SYNDIG1: variants seen among roughly 807,000 people sequenced by gnomAD.
SYNDIG1 encodes synapse differentiation inducing 1, also known as synapse differentiation-inducing gene protein 1.
Under a neutral mutation model 19.4 loss-of-function variants are expected in SYNDIG1, and 9 were observed. The ratio of observed to expected loss-of-function variants is 0.46; its 90% CI spans 0.28 to 0.81. The LOEUF (loss-of-function observed/expected upper bound fraction) is 0.81, where lower values mean the gene tolerates loss of function less well. Ranked by LOEUF, SYNDIG1 falls within the 30% of genes least tolerant of loss-of-function variation. The pLI, the probability that SYNDIG1 is intolerant of heterozygous loss-of-function variation, is 0.12. For missense variants in SYNDIG1, 311 were observed against 343.3 expected, an observed-to-expected ratio of 0.91 and a Z score of 0.74; for synonymous variants, 141 against 145.9, an observed-to-expected ratio of 0.97 and a Z score of 0.24.
chr20:24,474,404 T>C (rs1280316484), intron 1 of SYNDIG1, among the ~76,000 whole-genome samples: 1 of 152,120 alleles, frequency 6.6e-6, no homozygotes, highest in Non-Finnish European at 1.5e-5. Context: ...AAATAACTGC[T>C]AGAACCAAAA....
intron 3 of SYNDIG1, among the ~76,000 whole-genome samples, chr20:24,619,147 G>A (rs1326224310): frequency 6.6e-6 from 1 of 152,206 alleles, no homozygotes; most frequent in Non-Finnish European, 1.5e-5. Context: ...TGTTTTAAAT[G>A]CTGGAAAAAT....
intron 1 of SYNDIG1, among the ~76,000 whole-genome samples, chr20:24,503,998 C>T (rs1159798133): frequency 7.1e-5 from 9 of 127,466 alleles, no homozygotes; most frequent in Non-Finnish European, 3.1e-5. Flanking sequence ...CTCACACTTT[C>T]GCCCAGGCTG....
intron 3 of SYNDIG1, among the ~76,000 whole-genome samples, chr20:24,664,983 A>G (rs2059634846): frequency 6.6e-6 from 1 of 152,210 alleles, no homozygotes; most frequent in Non-Finnish European, 1.5e-5. Context: ...TTGGGTAGAA[A>G]GAGCAGCACT....
chr20:24,562,411 C>G (rs1442241476), intron 2 of SYNDIG1, among the ~76,000 whole-genome samples: 1 of 152,128 alleles, frequency 6.6e-6, no homozygotes, highest in Non-Finnish European at 1.5e-5. Flanking sequence ...AGTATGGCAT[C>G]TAATGTTTTA....
chr20:24,515,671 G>C (rs1039361779), intron 1 of SYNDIG1, among the ~76,000 whole-genome samples: 3 of 151,970 alleles, frequency 2.0e-5, no homozygotes, highest in African/African-American at 7.3e-5. Flanking sequence ...ACAAACCACT[G>C]CTCAATGAAA....
At chr20:24,605,627 C>T (rs928011200) in intron 3 of SYNDIG1, among the ~76,000 whole-genome samples, 11 of 152,178 alleles carry the variant, frequency 7.2e-5, no homozygotes, top group African/African-American at 2.7e-4. Context: ...CTGATTTTAA[C>T]TTGTTCTAGT....
At chr20:24,585,392 G>C (rs1207628504) in intron 3 of SYNDIG1, among the ~76,000 whole-genome samples, 1 of 152,178 alleles carries the variant, frequency 6.6e-6, no homozygotes, top group East Asian at 1.9e-4. Context: ...CTTAATGAGA[G>C]AGGAGAAAAG....
At chr20:24,634,506 G>A (rs1361839330) in intron 3 of SYNDIG1, among the ~76,000 whole-genome samples, 1 of 152,150 alleles carries the variant, frequency 6.6e-6, no homozygotes, top group Non-Finnish European at 1.5e-5. Context: ...TTAACAAAAT[G>A]TGAATGCCTG....
chr20:24,632,270 A>G (rs1040374746), intron 3 of SYNDIG1, among the ~76,000 whole-genome samples: 6 of 152,130 alleles, frequency 3.9e-5, no homozygotes, highest in African/African-American at 1.4e-4. Flanking sequence ...TTTATTTGAA[A>G]CAGTCTCGCT....
intron 1 of SYNDIG1, among the ~76,000 whole-genome samples, chr20:24,489,867 C>T (rs535321179): frequency 4.0e-4 from 61 of 152,328 alleles, no homozygotes; most frequent in African/African-American, 1.4e-3. Context: ...CACTGGAGTG[C>T]GTTAAGAAGC....
At chr20:24,591,205 GC>G (rs2058505985) in intron 3 of SYNDIG1, among the ~76,000 whole-genome samples, 1 of 151,838 alleles carries the variant, frequency 6.6e-6, no homozygotes, top group African/African-American at 2.4e-5. Flanking sequence ...GCCAGCCTGT[GC>G]AACAGACCCC....
At chr20:24,631,905 A>G (rs1201139188) in intron 3 of SYNDIG1, among the ~76,000 whole-genome samples, 1 of 152,236 alleles carries the variant, frequency 6.6e-6, no homozygotes, top group Admixed American at 6.5e-5. Context: ...GTAGATTTGC[A>G]GTGTTGGTGA....
chr20:24,509,332 T>A (rs1188963038), intron 1 of SYNDIG1, among the ~76,000 whole-genome samples: 3 of 152,262 alleles, frequency 2.0e-5, no homozygotes, highest in African/African-American at 7.2e-5. Context: ...CATTAGATGT[T>A]ACCCTTAAAT....
intron 2 of SYNDIG1, among the ~76,000 whole-genome samples, chr20:24,582,756 G>A (rs75711895): frequency 0.033 from 5,037 of 152,264 alleles, 239 homozygotes; most frequent in African/African-American, 0.11. Context: ...GGGCCAATGT[G>A]CAGAATAAAG....
At chr20:24,627,549 A>G (rs141590767) in intron 3 of SYNDIG1, among the ~76,000 whole-genome samples, 74 of 152,370 alleles carry the variant, frequency 4.9e-4, no homozygotes, top group African/African-American at 1.8e-3. Flanking sequence ...TCCGTTGAAC[A>G]AAAGGATATT....
At chr20:24,484,512 T>C (rs1196430899) in intron 1 of SYNDIG1, among the ~76,000 whole-genome samples, 1 of 152,136 alleles carries the variant, frequency 6.6e-6, no homozygotes, top group Non-Finnish European at 1.5e-5. Context: ...GCCACACTCC[T>C]TCTGTTCAGG....
At chr20:24,475,887 G>C (rs1202223105) in intron 1 of SYNDIG1, among the ~76,000 whole-genome samples, 1 of 146,880 alleles carries the variant, frequency 6.8e-6, no homozygotes, top group Non-Finnish European at 1.5e-5. Context: ...TTGAAATGAC[G>C]TCTCACTCTA....
rs373812139 is a variant in SYNDIG1 at position 24,603,730 on chromosome 20, C to T, written c.618+18737C>T. Among the ~76,000 whole-genome samples, 17 of 152,286 alleles carry T rather than the reference C, an allele frequency of 1.1e-4. No homozygotes were observed. In the South Asian group the frequency reaches 2.7e-3, roughly 24 times the overall value. On this transcript the variant is annotated intron_variant, in intron 3 of 3. Coordinates refer to ENST00000376862, the MANE Select transcript of SYNDIG1 (RefSeq NM_024893.3). ...GTTGTCAGAAAGCAGCATATGGAAA[C>T]GGTGTGTTCTGAAAACAACTCATCC...
intron 1 of SYNDIG1, among the ~76,000 whole-genome samples, chr20:24,526,500 T>C (rs1245570107): frequency 6.6e-6 from 1 of 152,150 alleles, no homozygotes; most frequent in Non-Finnish European, 1.5e-5. Context: ...CACCTCCTGA[T>C]TTACATGCTA....
Sources: gnomAD v4.1 joint callset for allele counts (sites outside exome capture counted in the v4.1 genomes callset) on GRCh38, gnomAD v4.1.1 for gene constraint, MANE v1.5 for transcripts, NCBI Gene and HGNC (gene_info 2026-07-23, HGNC 2026-07-21) for gene names.